Variants in TNS4 observed in about 807,000 individuals in gnomAD.
The protein encoded by TNS4 is tensin 4.
Under a neutral mutation model 70.4 loss-of-function variants are expected in TNS4, and 46 were observed. The ratio of observed to expected loss-of-function variants is 0.65; its 90% CI spans 0.52 to 0.84. The LOEUF is 0.84. Among genes scored for constraint, TNS4 ranks in the 40% least tolerant of loss-of-function variants. The probability of loss-of-function intolerance (pLI) is 0.00; values close to 1 mark genes in which losing one functional copy is unlikely to be tolerated. For synonymous variants in TNS4, 390 were observed against 366.6 expected (o/e 1.06, Z -0.73); for missense variants, 863 against 907.0 (o/e 0.95, Z 0.62).
Position 40,477,502 on chromosome 17 carries a change from C to A in TNS4, c.*86G>T. On this transcript the variant is annotated 3_prime_UTR_variant, in exon 13 of 13. Transcript: ENST00000254051. ...CCATAGATTGGTCTGTCAATATGGC[C>A]ACAAGCCACACCCATTCAGGGGGTG... is the stretch of plus-strand genomic sequence containing the variant. The A allele has an allele frequency of 6.4e-7, 1 of 1,561,772 alleles. No individual in the cohort carries two copies. The highest frequency in any genetic ancestry group is 8.7e-7 in the Non-Finnish European group (1 of 1,151,000).
At position 40,487,512 on chromosome 17, in the gene TNS4, G is replaced by A. The variant is rs374373351; in HGVS notation, c.864-52C>T. 43 of 1,546,220 alleles carry A rather than the reference G, an allele frequency of 2.8e-5. No homozygotes were observed. The East Asian group carries it at 9.3e-4, about 33-fold the overall frequency. Reference sequence around the variant, plus strand: ...TGTTAGGGCAACAGGTGGCTCAGGGGCTAGAGTCAGGCTCCGGATCTGGTG... The same window carrying A: ...TGTTAGGGCAACAGGTGGCTCAGGGACTAGAGTCAGGCTCCGGATCTGGTG... On this transcript the variant is annotated intron_variant, in intron 3 of 12. Transcript: ENST00000254051.
intron 1 of TNS4, among the ~76,000 whole-genome samples, chr17:40,497,799 C>G (rs2036165103): frequency 6.6e-6 from 1 of 152,148 alleles, no homozygotes; most frequent in Non-Finnish European, 1.5e-5. Flanking sequence ...GGACTGCCAG[C>G]TCAACCCTGA....
intron 2 of TNS4, among the ~76,000 whole-genome samples, chr17:40,489,375 G>A (rs975748618): frequency 1.3e-5 from 2 of 152,174 alleles, no homozygotes; most frequent in African/African-American, 4.8e-5. Flanking sequence ...GCACAGCACT[G>A]TTCCCGGCAC....
chr17:40,478,362 A>G, intron 11 of TNS4, 29 bp from the exon 12 acceptor site: 1 of 1,608,538 alleles, frequency 6.2e-7, no homozygotes, highest in Non-Finnish European at 8.5e-7. Flanking sequence ...ATACCGAGTA[A>G]TGAGGCTTCG....
Position 40,479,139 on chromosome 17 carries a change from TTTCC to T in TNS4, c.1911-495_1911-492del, listed in dbSNP as rs1186343151. Among the ~76,000 whole-genome samples, 8 of 151,898 alleles carry T rather than the reference TTTCC, an allele frequency of 5.3e-5. No individual in the cohort carries two copies. In the East Asian group the frequency reaches 5.8e-4, roughly 11 times the overall value. On this transcript the variant is annotated intron_variant, in intron 10 of 12. Transcript: ENST00000254051. ...CACCCATGAATACTAGTTAACTCCATTTCCTTCCTTCCTTCCTTCCTTTTTTGAG... is the reference window on the plus strand; with the variant it reads ...CACCCATGAATACTAGTTAACTCCATTTCCTTCCTTCCTTCCTTTTTTGAG...
intron 8 of TNS4, among the ~76,000 whole-genome samples, chr17:40,481,777 A>G (rs2035924389): frequency 6.6e-6 from 1 of 152,262 alleles, no homozygotes; most frequent in East Asian, 1.9e-4. Context: ...ACCTGGAAAG[A>G]GAAAACCTCT....
At position 40,496,233 on chromosome 17, in the gene TNS4, G is replaced by A. The variant is rs2036141524; in HGVS notation, c.193C>T (p.Arg65Ter). ...TCCACCTGTGGGGCTTGCTGGAGTC[G>A]GCCAGGGGGCCCCATGCAGGGCACG... ...APVPCMGPPG[R>*]LQQAPQVEAK... The change falls in exon 2 of 13, where the codon CGA becomes TGA. Residue 65 changes from arginine (R) to a stop codon, truncating the protein, a stop_gained. Transcript: ENST00000254051. LOFTEE classifies it high-confidence loss of function. 2 of 1,594,226 alleles carry A rather than the reference G, an allele frequency of 1.3e-6. No homozygotes were observed. Among genetic ancestry groups the A allele is most frequent in the South Asian group, 1.1e-5 (1 of 88,110 alleles).
At chr17:40,498,760 G>A (rs2036175718) in intron 1 of TNS4, among the ~76,000 whole-genome samples, 1 of 152,114 alleles carries the variant, frequency 6.6e-6, no homozygotes, top group Admixed American at 6.5e-5. Context: ...TGTTGCCCAG[G>A]CTGGTCTTGA....
In TNS4 at chr17:40,488,830, C is replaced by T; in HGVS notation, c.579G>A (p.Glu193=). 6.2e-7 allele frequency: 1 copy of T among 1,613,424 alleles called. No individual in the cohort carries two copies. Among genetic ancestry groups the T allele is most frequent in the Non-Finnish European group, 8.5e-7 (1 of 1,179,912 alleles). ...TGAGGCTCTCACTGCTGCTTCGTGT[C>T]TCTCGGGGGACGTCTCTGGAAAGGA... is the stretch of plus-strand genomic sequence containing the variant. ...GLLLSRDVPR[E]TRSSSESLIF... is the part of the protein sequence containing the mutation. Residue 193 remains glutamate, a synonymous_variant, in exon 3 of 13, where the codon GAG becomes GAA. Coordinates refer to ENST00000254051, the MANE Select transcript of TNS4 (RefSeq NM_032865.6).
rs762475903 is a variant in TNS4 at position 40,487,325 on chromosome 17, C to T, written c.999G>A (p.Gln333=). 1 of 1,614,044 alleles carries T rather than the reference C, an allele frequency of 6.2e-7. No homozygotes were observed. Among genetic ancestry groups the T allele is most frequent in the African/African-American group, 1.3e-5 (1 of 74,922 alleles). Residue 333 remains glutamine, a synonymous_variant, in exon 4 of 13, where the codon CAG becomes CAA. Transcript: ENST00000254051. ...TGGTTAGGGTGGGGTTTCTGGGAGC[C>T]TGGAAGTCACTGGGTCTTGTACACA... ...VSLCTRPSDF[Q]APRNPTLTMG... is the part of the protein sequence containing the mutation.
chr17:40,479,014 C>T (rs538143268), intron 10 of TNS4, among the ~76,000 whole-genome samples: 3 of 152,248 alleles, frequency 2.0e-5, no homozygotes, highest in African/African-American at 7.2e-5. Flanking sequence ...CTGTGAGATC[C>T]GAGCCTGGGG....
intron 3 of TNS4, 124 bp from the exon 4 acceptor site, chr17:40,487,584 C>T: frequency 2.1e-6 from 2 of 959,234 alleles, no homozygotes; most frequent in South Asian, 3.4e-5. Context: ...ACTGCATACC[C>T]CACCCCCTAC....
At chr17:40,500,139 C>A (rs2036193571) in intron 1 of TNS4, among the ~76,000 whole-genome samples, 1 of 152,172 alleles carries the variant, frequency 6.6e-6, no homozygotes, top group Non-Finnish European at 1.5e-5. Context: ...GGGGTTTAAA[C>A]CCAGGTGGTC....
intron 8 of TNS4, among the ~76,000 whole-genome samples, chr17:40,481,359 C>CTCTT (rs936560473): frequency 2.0e-5 from 3 of 151,930 alleles, no homozygotes; most frequent in Admixed American, 2.0e-4. Flanking sequence ...CTCTCTTTCT[C>CTCTT]TCTTTCTTTC....
intron 8 of TNS4, chr17:40,480,997 C>A (rs564957839): frequency 5.4e-5 from 28 of 522,514 alleles, no homozygotes; most frequent in African/African-American, 4.4e-4. Context: ...CCCTCCTCGC[C>A]CCCCCACCTC....
chr17:40,488,975 G>C lies in TNS4; in HGVS notation c.440-6C>G. The C allele has an allele frequency of 6.4e-7, 1 of 1,554,998 alleles. No homozygotes were observed. The highest frequency in any genetic ancestry group is 8.7e-7 in the Non-Finnish European group (1 of 1,154,282). ...CACCTCGATGTACTTTATGTCTTTG[G>C]GGGAGAAAAGCAGAGCATTGGTGAA... On this transcript the variant is annotated splice_region_variant and splice_polypyrimidine_tract_variant and intron_variant, in intron 2 of 12. Transcript: ENST00000254051.
chr17:40,492,370 G>A, intron 2 of TNS4, among the ~76,000 whole-genome samples: 1 of 128,684 alleles, frequency 7.8e-6, no homozygotes, highest in African/African-American at 3.6e-5. Context: ...TGGATTACAT[G>A]GAGTCTTTTT....
In TNS4 at chr17:40,496,232, C is replaced by CGGCCA; in HGVS notation, c.189_193dup (p.Arg65LeufsTer46). The CGGCCA allele has an allele frequency of 6.3e-7, 1 of 1,594,404 alleles. No individual in the cohort carries two copies. Among genetic ancestry groups the CGGCCA allele is most frequent in the South Asian group, 1.1e-5 (1 of 88,144 alleles). On this transcript the variant is annotated frameshift_variant, in exon 2 of 13. Coordinates refer to ENST00000254051, the MANE Select transcript of TNS4 (RefSeq NM_032865.6). LOFTEE classifies it high-confidence loss of function. ...CTCCACCTGTGGGGCTTGCTGGAGTCGGCCAGGGGGCCCCATGCAGGGCAC... is the reference window on the plus strand; with the variant it reads ...CTCCACCTGTGGGGCTTGCTGGAGTCGGCCAGGCCAGGGGGCCCCATGCAGGGCAC...
chr17:40,478,193 C>G (rs901871375), intron 12 of TNS4, 114 bp downstream of exon 12: 17 of 1,367,184 alleles, frequency 1.2e-5, no homozygotes, highest in Admixed American at 3.7e-5. Context: ...CCCTGAGGAC[C>G]AGGGCCTGTG....
Sources: allele counts gnomAD v4.1 joint callset (sites outside exome capture counted in the v4.1 genomes callset), GRCh38; gene constraint gnomAD v4.1.1; transcripts MANE v1.5; gene names NCBI Gene and HGNC (gene_info 2026-07-23, HGNC 2026-07-21).